The following COL1A2 variants were observed in gnomAD, a reference collection of about 807,000 sequenced individuals.
The protein encoded by COL1A2 is collagen alpha-2(I) chain.
A neutral mutation model predicts 174.3 loss-of-function variants in COL1A2; 49 were observed. The ratio of observed to expected loss-of-function variants is 0.28; its 90% confidence interval spans 0.22 to 0.36. The LOEUF is 0.36. COL1A2 is among the 10% of genes least tolerant of loss of function. COL1A2 has a pLI of 1.00. For missense variants in COL1A2, 1,438 were observed against 1,822.7 expected, an observed-to-expected ratio of 0.79 and a Z score of 3.84; for synonymous variants, 655 against 606.6, an observed-to-expected ratio of 1.08 and a Z score of -1.17.
At position 94,427,115 on chromosome 7, in the gene COL1A2, C is replaced by A. The variant is rs917384082; in HGVS notation, c.3159+54C>A. The A allele has an allele frequency of 3.1e-6, 5 of 1,608,076 alleles. No individual in the cohort carries two copies. In the African/African-American group the frequency reaches 5.3e-5, roughly 17 times the overall value. The stretch of plus-strand genomic sequence containing the variant: ...TCTCTGAAATAGAGGCTAAAGCGAG[C>A]AGTGAGCCCCAGGCTGCTGCTCCCT... On this transcript the variant is annotated intron_variant, in intron 47 of 51. Transcript: ENST00000297268.
chr7:94,409,127 G>T (rs1465827129), intron 16 of COL1A2, among the ~76,000 whole-genome samples, 195 bp from the exon 17 acceptor site: 2 of 152,100 alleles, frequency 1.3e-5, no homozygotes, highest in Non-Finnish European at 2.9e-5. Flanking sequence ...AGGGAAGGTA[G>T]TAACAGTAGC....
intron 51 of COL1A2, chr7:94,429,681 A>C: frequency 2.2e-6 from 1 of 464,854 alleles, no homozygotes; most frequent in Non-Finnish European, 3.8e-6. Flanking sequence ...TGAAATGCTG[A>C]AATGTATACT....
chr7:94,397,701 A>ATT, intron 1 of COL1A2, 47 bp from the exon 2 acceptor site: 1 of 1,064,974 alleles, frequency 9.4e-7, no homozygotes, highest in Non-Finnish European at 1.4e-6. Flanking sequence ...TGATCCATGA[A>ATT]GTGATACTAA....
At chr7:94,404,054 G>A (rs1791744978) in intron 6 of COL1A2, among the ~76,000 whole-genome samples, 1 of 152,068 alleles carries the variant, frequency 6.6e-6, no homozygotes, top group Non-Finnish European at 1.5e-5. Flanking sequence ...ACCCTTAGAG[G>A]AGCGATAAGG....
chr7:94,420,272 C>T lies in COL1A2; in HGVS notation c.2119C>T (p.Pro707Ser). ...GAAGPAGPAG[P>S]RGSPGERGEV... ...TGCTGGTCCTGCTGGTCCTGCTGGT[C>T]CTCGGGGAAGCCCTGTAAGTAAGAA... The change falls in exon 35 of 52, where the codon CCT becomes TCT. Residue 707 changes from proline to serine, a missense_variant. Transcript: ENST00000297268. 2 of 1,613,816 alleles carry T rather than the reference C, an allele frequency of 1.2e-6. No homozygotes were observed. Among genetic ancestry groups the T allele is most frequent in the Non-Finnish European group, 8.5e-7 (1 of 1,179,986 alleles).
intron 23 of COL1A2, among the ~76,000 whole-genome samples, chr7:94,411,411 T>C (rs545182497): frequency 3.3e-5 from 5 of 152,328 alleles, no homozygotes; most frequent in African/African-American, 1.2e-4. Context: ...TATATCCAAA[T>C]TAGATTGGTC....
chr7:94,408,273 A>C, intron 14 of COL1A2, 37 bp downstream of exon 14: 1 of 1,614,048 alleles, frequency 6.2e-7, no homozygotes, highest in Non-Finnish European at 8.5e-7. Flanking sequence ...TCATCCTTTT[A>C]AAAAATCTTC....
intron 39 of COL1A2, 123 bp from the exon 40 acceptor site, chr7:94,422,834 A>G (rs1028037820): frequency 1.9e-5 from 22 of 1,158,166 alleles, no homozygotes; most frequent in Non-Finnish European, 2.7e-5. Flanking sequence ...TTTCCCCCAA[A>G]TGGCCAGGGT....
In COL1A2 at chr7:94,421,456, G is replaced by C. The variant is rs1329399885; in HGVS notation, c.2349+394G>C. The C allele has an allele frequency of 7.9e-6, 3 of 381,456 alleles. No homozygotes were observed. The East Asian group carries it at 1.8e-4, about 23-fold the overall frequency. The allele number at this position is 381,456 out of a possible 1,614,324, so 23.6% of individuals were successfully genotyped here. ...ACTTTACTGACTTCTTCTCTCACTG[G>C]ACAGTGCTGAATTATCTAGGTCATT... On this transcript the variant is annotated intron_variant, in intron 38 of 51. Transcript: ENST00000297268.
chr7:94,400,559 TA>T (rs1304604708), intron 5 of COL1A2, among the ~76,000 whole-genome samples: 5 of 152,160 alleles, frequency 3.3e-5, no homozygotes, highest in Non-Finnish European at 7.3e-5. Flanking sequence ...CTTTTATTAG[TA>T]AGGCACAAAT....
At chr7:94,397,807 G>A in intron 2 of COL1A2, 49 bp downstream of exon 2, 1 of 1,099,336 alleles carries the variant, frequency 9.1e-7, no homozygotes, top group South Asian at 1.4e-5. Flanking sequence ...GATTCCCTTG[G>A]CTACAGTGAT....
At chr7:94,423,470 C>A in intron 40 of COL1A2, 1 of 349,968 alleles carries the variant, frequency 2.9e-6, no homozygotes, top group South Asian at 2.6e-5. Context: ...TAAACATACA[C>A]TGTCCAGTAT....
chr7:94,403,403 C>A (rs1040874179), intron 6 of COL1A2, among the ~76,000 whole-genome samples: 1 of 152,150 alleles, frequency 6.6e-6, no homozygotes, highest in Non-Finnish European at 1.5e-5. Context: ...CAGGGTTCTT[C>A]TCTGAATTAA....
At chr7:94,400,099 C>A in intron 4 of COL1A2, 97 bp from the exon 5 acceptor site, 1 of 1,080,890 alleles carries the variant, frequency 9.3e-7, no homozygotes, top group Non-Finnish European at 1.4e-6. Flanking sequence ...ACCCTACTTG[C>A]ACATAGAAAG....
Position 94,397,637 on chromosome 7 carries a change from A to AATT in COL1A2, c.71-109_71-107dup. 4.8e-6 allele frequency: 3 copies of AATT among 628,178 alleles called. No homozygotes were observed. In the South Asian group the frequency reaches 5.8e-5, roughly 12 times the overall value. The allele number at this position is 628,178 out of a possible 1,614,324, so 38.9% of individuals were successfully genotyped here. A position where few individuals can be genotyped will look rare whatever the true frequency, so the allele number is the denominator to read the frequency against. The stretch of plus-strand genomic sequence containing the variant: ...TCTTAAAAAAATATAATTGGTCCTT[A>AATT]ATTAGGTAATTCAATTCTATAAACT... On this transcript the variant is annotated intron_variant, in intron 1 of 51. Transcript: ENST00000297268.
Position 94,430,414 on chromosome 7 carries a change from A to T in COL1A2, c.*21A>T. 6.2e-7 allele frequency: 1 copy of T among 1,609,766 alleles called. No individual in the cohort carries two copies. Among genetic ancestry groups the T allele is most frequent in the Non-Finnish European group, 8.5e-7 (1 of 1,178,800 alleles). On this transcript the variant is annotated 3_prime_UTR_variant, in exon 52 of 52. Transcript: ENST00000297268. ...AATAAATGAACTCAATCTAAATTAA[A>T]AAAGAAAGAAATTTGAAAAAACTTT...
intron 21 of COL1A2, 52 bp downstream of exon 21, chr7:94,410,579 A>G: frequency 6.9e-7 from 1 of 1,438,936 alleles, no homozygotes; most frequent in African/African-American, 1.4e-5. Flanking sequence ...AGATTATGAT[A>G]CCCCTTCACT....
rs372702749 is a variant in COL1A2, at chr7:94,421,060, C to T, written c.2347C>T (p.Pro783Ser). The T allele has an allele frequency of 1.9e-6, 3 of 1,614,052 alleles. No individual in the cohort carries two copies. The highest frequency in any genetic ancestry group is 1.3e-5 in the African/African-American group (1 of 75,030). Residue 783 changes from proline to serine, a missense_variant and splice_region_variant, in exon 38 of 52, where the codon CCT (proline) becomes TCT (serine). Pro to Ser is a moderately conservative substitution (Grantham distance 74). Coordinates refer to ENST00000297268, the MANE Select transcript of COL1A2 (RefSeq NM_000089.4). Reference sequence around the variant, plus strand: ...TGGAAGTCGTGGTGATGGAGGCCCCCCTGTGAGTATTTACAATGGACTCTC... The same window carrying T: ...TGGAAGTCGTGGTGATGGAGGCCCCTCTGTGAGTATTTACAATGGACTCTC... Reference protein sequence around the residue: ...PAGSRGDGGPPGMTGFPGAAG... With the variant: ...PAGSRGDGGPSGMTGFPGAAG...
At position 94,416,479 on chromosome 7, in the gene COL1A2, A is replaced by AC; in HGVS notation, c.1844dup (p.Gly616ArgfsTer3). ...CTATTGGAAGCCGAGGTCCTTCTGG[A>AC]CCCCCAGGGCCTGATGGAAACAAGG... On this transcript the variant is annotated frameshift_variant, in exon 31 of 52. Transcript: ENST00000297268. LOFTEE classifies it high-confidence loss of function. The AC allele has an allele frequency of 6.3e-7, 1 of 1,577,856 alleles. No homozygotes were observed. Among genetic ancestry groups the AC allele is most frequent in the South Asian group, 1.2e-5 (1 of 85,832 alleles).
Sources: allele counts gnomAD v4.1 joint callset (sites outside exome capture counted in the v4.1 genomes callset), GRCh38; gene constraint gnomAD v4.1.1; transcripts MANE v1.5; gene names NCBI Gene and HGNC (gene_info 2026-07-23, HGNC 2026-07-21).